The following TRIO variants were observed in gnomAD, a reference collection of about 807,000 sequenced individuals.
TRIO encodes trio Rho guanine nucleotide exchange factor.
TRIO carries 58 observed loss-of-function variants against 351.9 expected under a neutral mutation model. The observed-to-expected ratio is 0.16, with a 90% CI of 0.13 to 0.21. The LOEUF is 0.21. TRIO is among the 10% of genes least tolerant of loss of function. The pLI, the probability that TRIO is intolerant of heterozygous loss-of-function variation, is 1.00. For synonymous variants in TRIO, 1,758 were observed against 1,595.7 expected, an observed-to-expected ratio of 1.10 and a Z score of -2.42; for missense variants, 3,201 against 4,027.8, an observed-to-expected ratio of 0.79 and a Z score of 5.56.
At chr5:14,460,802 A>G (rs896092488) in intron 34 of TRIO, among the ~76,000 whole-genome samples, 2 of 152,164 alleles carry the variant, frequency 1.3e-5, no homozygotes, top group Admixed American at 6.5e-5. Flanking sequence ...GTGCATCTTG[A>G]GAATGATCAT....
chr5:14,497,765 A>G lies in TRIO; in HGVS notation c.8020-82A>G. 6.4e-7 allele frequency: 1 copy of G among 1,574,616 alleles called. No homozygotes were observed. Among genetic ancestry groups the G allele is most frequent in the Non-Finnish European group, 8.7e-7 (1 of 1,145,132 alleles). ...AGTCAGTTTCTGCAAATCTTTCAAC[A>G]ATAATTGTAGCCCTGGAATGAAAGG... On this transcript the variant is annotated intron_variant, in intron 50 of 56. Transcript: ENST00000344204. The surrounding 1 kb of genome is among the most constrained non-coding windows in gnomAD (Gnocchi z 4.4).
chr5:14,248,234 T>C (rs539426412), intron 1 of TRIO, among the ~76,000 whole-genome samples: 20 of 152,306 alleles, frequency 1.3e-4, no homozygotes, highest in African/African-American at 4.8e-4. Context: ...AATTAGATTT[T>C]GAAGGAATCA....
chr5:14,480,665 G>A (rs1006733668), intron 43 of TRIO, among the ~76,000 whole-genome samples: 7 of 152,204 alleles, frequency 4.6e-5, no homozygotes, highest in African/African-American at 7.2e-5. Context: ...GATCTAGAGA[G>A]GGACAAAGAG....
At chr5:14,331,116 C>A (rs141004098) in intron 10 of TRIO, among the ~76,000 whole-genome samples, 1 of 152,232 alleles carries the variant, frequency 6.6e-6, no homozygotes, top group Non-Finnish European at 1.5e-5. Flanking sequence ...GTTCTTGGAA[C>A]AGAAATGTGA....
At chr5:14,387,373 T>A in intron 21 of TRIO, 65 bp from the exon 22 acceptor site, 1 of 1,508,910 alleles carries the variant, frequency 6.6e-7, no homozygotes. Context: ...AAGTCGCCAC[T>A]GTGTTTGAGG....
At chr5:14,265,121 A>G (rs1342499439) in intron 1 of TRIO, among the ~76,000 whole-genome samples, 1 of 126,208 alleles carries the variant, frequency 7.9e-6, no homozygotes, top group African/African-American at 3.0e-5. Context: ...CCCGCAGATT[A>G]TTTTCCCATT....
chr5:14,166,655 A>AGC (rs1354368196), intron 1 of TRIO, among the ~76,000 whole-genome samples: 3 of 152,180 alleles, frequency 2.0e-5, no homozygotes, highest in Admixed American at 2.0e-4. Context: ...AGCAAGAACA[A>AGC]GCGCTTGCTG....
At chr5:14,301,844 G>A (rs1003353504) in intron 7 of TRIO, among the ~76,000 whole-genome samples, 2 of 152,142 alleles carry the variant, frequency 1.3e-5, no homozygotes, top group Non-Finnish European at 2.9e-5. Context: ...AAACAATCAG[G>A]CCTAGAGCTT....
chr5:14,291,084 C>T lies in TRIO; in HGVS notation c.909C>T (p.Asp303=), dbSNP rs1736863312. 2 of 1,614,078 alleles carry T rather than the reference C, an allele frequency of 1.2e-6. No individual in the cohort carries two copies. Among genetic ancestry groups the T allele is most frequent in the South Asian group, 1.1e-5 (1 of 91,084 alleles). ...AGAACTCAGGCTCAGGCAATGCGGACCTGCAGAACCTCTTGCCCAAGGTGT... is the reference window on the plus strand; with the variant it reads ...AGAACTCAGGCTCAGGCAATGCGGATCTGCAGAACCTCTTGCCCAAGGTGT... ...PKKNSGSGNA[D]LQNLLPKVST... Residue 303 remains aspartate, a synonymous_variant, in exon 5 of 57, where the codon GAC becomes GAT. Coordinates refer to ENST00000344204, the MANE Select transcript of TRIO (RefSeq NM_007118.4).
intron 11 of TRIO, among the ~76,000 whole-genome samples, chr5:14,349,279 T>C (rs371282472): frequency 2.9e-4 from 43 of 149,250 alleles, no homozygotes; most frequent in African/African-American, 1.0e-3. Context: ...TGTGTGTATG[T>C]GTGTACGCAC....
intron 20 of TRIO, among the ~76,000 whole-genome samples, chr5:14,380,869 A>G (rs769105428): frequency 6.6e-6 from 1 of 152,252 alleles, no homozygotes; most frequent in Non-Finnish European, 1.5e-5. Context: ...CATATACACC[A>G]TGGAATACTA....
At chr5:14,411,579 T>C (rs1475879245) in intron 33 of TRIO, among the ~76,000 whole-genome samples, 1 of 151,784 alleles carries the variant, frequency 6.6e-6, no homozygotes. Context: ...TGGATTCACA[T>C]ATTTAAAAAC....
At chr5:14,460,343 A>G (rs1039184475) in intron 34 of TRIO, among the ~76,000 whole-genome samples, 2 of 152,206 alleles carry the variant, frequency 1.3e-5, no homozygotes, top group Admixed American at 1.3e-4. Context: ...CTGGCCGTGA[A>G]CAGGAAAGAG....
chr5:14,312,156 C>G (rs1376692583), intron 8 of TRIO, among the ~76,000 whole-genome samples: 1 of 152,182 alleles, frequency 6.6e-6, no homozygotes, highest in Admixed American at 6.5e-5. Context: ...ATCCCAGTAC[C>G]AGAAACAAGA....
intron 41 of TRIO, among the ~76,000 whole-genome samples, chr5:14,477,957 TAACA>T (rs1443295861): frequency 2.0e-5 from 3 of 152,236 alleles, no homozygotes; most frequent in Admixed American, 2.0e-4. Flanking sequence ...TAATTTTCAC[TAACA>T]AACACTGCCA....
chr5:14,487,408 C>T, intron 47 of TRIO, 56 bp from the exon 48 acceptor site: 1 of 1,092,914 alleles, frequency 9.1e-7, no homozygotes. Flanking sequence ...CTCCCTCACC[C>T]CGCGGCGTGC....
chr5:14,287,242 C>T (rs1005270042), intron 4 of TRIO, 179 bp downstream of exon 4: 5 of 658,746 alleles, frequency 7.6e-6, no homozygotes, highest in African/African-American at 7.3e-5. Flanking sequence ...GTTCATCATC[C>T]GAGTGGATTG....
Position 14,508,437 on chromosome 5 carries a change from C to G in TRIO, c.*15C>G. 6.4e-7 allele frequency: 1 copy of G among 1,564,308 alleles called. No individual in the cohort carries two copies. Reference sequence around the variant, plus strand: ...CTAGAGTTTGACCTATCCAGAAGTTCTTTCTCATTCTCTTTCACCTGCCAA... The same window carrying G: ...CTAGAGTTTGACCTATCCAGAAGTTGTTTCTCATTCTCTTTCACCTGCCAA... On this transcript the variant is annotated 3_prime_UTR_variant, in exon 57 of 57. Transcript: ENST00000344204.
At chr5:14,352,062 A>G (rs1743184697) in intron 11 of TRIO, among the ~76,000 whole-genome samples, 1 of 152,202 alleles carries the variant, frequency 6.6e-6, no homozygotes, top group Non-Finnish European at 1.5e-5. Context: ...GGCTTCCCAC[A>G]TCTTAATCAC....
Sources: allele counts gnomAD v4.1 joint callset (sites outside exome capture counted in the v4.1 genomes callset), GRCh38; gene constraint gnomAD v4.1.1; non-coding constraint Gnocchi (gnomAD v3.1); transcripts MANE v1.5; gene names NCBI Gene and HGNC (gene_info 2026-07-23, HGNC 2026-07-21).